The following WWOX variants were observed in gnomAD, a reference collection of about 807,000 sequenced individuals.
WWOX encodes the protein WW domain containing oxidoreductase.
In WWOX, 69 loss-of-function variants were observed where a neutral mutation model predicts 46.2. That is an observed-to-expected ratio of 1.49 (90% CI 1.23 to 1.82). The LOEUF is 1.82. Ranked by LOEUF, WWOX falls within the 40% of genes most tolerant of loss-of-function variation. The pLI, the probability that WWOX is intolerant of heterozygous loss-of-function variation, is 0.00. For synonymous variants in WWOX, 359 were observed against 202.6 expected (o/e 1.77, Z -6.56); for missense variants, 919 against 542.6 (o/e 1.69, Z -6.89).
At chr16:78,784,117 C>T (rs574465125) in intron 8 of WWOX, among the ~76,000 whole-genome samples, 2 of 152,242 alleles carry the variant, frequency 1.3e-5, no homozygotes, top group South Asian at 2.1e-4. Flanking sequence ...TTTTTAAATG[C>T]ATTTACACCA....
At chr16:78,559,030 C>T (rs1266393936) in intron 8 of WWOX, among the ~76,000 whole-genome samples, 1 of 152,206 alleles carries the variant, frequency 6.6e-6, no homozygotes, top group African/African-American at 2.4e-5. Context: ...ACGGCATCCA[C>T]ACAAGATCTG....
Position 78,488,122 on chromosome 16 carries a change from A to G in WWOX, c.1056+55370A>G, listed in dbSNP as rs141275000. Among the ~76,000 whole-genome samples the G allele has an allele frequency of 6.7e-3, 1,015 of 152,266 alleles. 6 individuals carry two copies. The highest frequency in any genetic ancestry group is 9.5e-3 in the Non-Finnish European group (645 of 68,008). ...GAGGGATCTCACAGGAAACTTGGTA[A>G]TGTAGATTTTGGAGGACTTGAAAGG... On this transcript the variant is annotated intron_variant, in intron 8 of 8. Transcript: ENST00000566780.
At chr16:78,956,407 G>A (rs932917277) in intron 8 of WWOX, among the ~76,000 whole-genome samples, 1 of 151,772 alleles carries the variant, frequency 6.6e-6, no homozygotes, top group Non-Finnish European at 1.5e-5. Flanking sequence ...CGCCCATCTC[G>A]GCCTCCCCAA....
intron 8 of WWOX, among the ~76,000 whole-genome samples, chr16:78,689,968 C>G (rs928378325): frequency 6.6e-6 from 1 of 152,060 alleles, no homozygotes. Context: ...TCAAATGATT[C>G]TCCTACCTCA....
At chr16:79,208,928 A>C (rs1443640889) in intron 8 of WWOX, among the ~76,000 whole-genome samples, 1 of 152,220 alleles carries the variant, frequency 6.6e-6, no homozygotes. Context: ...AGGAAAGTAG[A>C]GTGAGTACCC....
intron 8 of WWOX, among the ~76,000 whole-genome samples, chr16:78,789,131 T>G (rs966600978): frequency 6.6e-6 from 1 of 152,202 alleles, no homozygotes; most frequent in East Asian, 1.9e-4. Context: ...TTTACCTCTG[T>G]GGTGTCACCC....
chr16:78,722,429 A>T (rs1028895794), intron 8 of WWOX, among the ~76,000 whole-genome samples: 1 of 152,312 alleles, frequency 6.6e-6, no homozygotes, highest in Admixed American at 6.5e-5. Flanking sequence ...ACCGTATGAA[A>T]TGAGCAGCAG....
intron 8 of WWOX, among the ~76,000 whole-genome samples, chr16:78,472,702 G>A (rs2084253530): frequency 6.6e-6 from 1 of 151,588 alleles, no homozygotes; most frequent in Non-Finnish European, 1.5e-5. Context: ...CCAGCTACTT[G>A]GGAGGCTGAG....
At chr16:78,758,572 C>T (rs2049715222) in intron 8 of WWOX, among the ~76,000 whole-genome samples, 1 of 152,198 alleles carries the variant, frequency 6.6e-6, no homozygotes, top group Admixed American at 6.5e-5. Context: ...CCAAGTGCTA[C>T]CTCTGCATGG....
At chr16:78,920,471 C>T (rs2045353426) in intron 8 of WWOX, among the ~76,000 whole-genome samples, 1 of 152,178 alleles carries the variant, frequency 6.6e-6, no homozygotes, top group African/African-American at 2.4e-5. Context: ...TTCGCTGACC[C>T]CGAATGACTG....
In WWOX at chr16:78,874,684, CTTTTTTT is replaced by C. The variant is rs552696627; in HGVS notation, c.1057-336907_1057-336901del. Among the ~76,000 whole-genome samples, 283 of 83,510 alleles carry C rather than the reference CTTTTTTT, an allele frequency of 3.4e-3. 1 individual carries two copies. The highest frequency in any genetic ancestry group is 0.011 in the African/African-American group (240 of 22,174). 54.8% of individuals were successfully genotyped at this position (83,510 alleles called of 152,430 possible). ...GTGTCTGTGACCAGAAGATTTTTTT[CTTTTTTT>C]TTTTTTTTTTTTTTTTGGCTGACTG... On this transcript the variant is annotated intron_variant, in intron 8 of 8. Transcript: ENST00000566780.
intron 8 of WWOX, among the ~76,000 whole-genome samples, chr16:79,135,395 C>T (rs1297372671): frequency 2.6e-5 from 4 of 152,098 alleles, no homozygotes; most frequent in African/African-American, 9.7e-5. Context: ...TAAAAGGCTG[C>T]CTGTTATCCC....
At chr16:78,224,654 T>G (rs191809753) in intron 5 of WWOX, among the ~76,000 whole-genome samples, 1 of 152,250 alleles carries the variant, frequency 6.6e-6, no homozygotes, top group African/African-American at 2.4e-5. Flanking sequence ...CACCAGTGAG[T>G]GATTCCTTGG....
In WWOX at chr16:78,721,658, C is replaced by T. The variant is rs147810377; in HGVS notation, c.1056+288906C>T. On this transcript the variant is annotated intron_variant, in intron 8 of 8. Coordinates refer to ENST00000566780, the MANE Select transcript of WWOX (RefSeq NM_016373.4). ...GATTCCTCCGTCACTGGCTGTGTGA[C>T]CTTAAAGAAATAAATTGACCTGCCT... is the stretch of plus-strand genomic sequence containing the variant. Among the ~76,000 whole-genome samples, 682 of 152,264 alleles carry T rather than the reference C, an allele frequency of 4.5e-3. 8 individuals are homozygous for T. The highest frequency in any genetic ancestry group is 0.015 in the African/African-American group (634 of 41,560).
intron 8 of WWOX, among the ~76,000 whole-genome samples, chr16:78,483,338 A>G (rs1294733049): frequency 6.6e-6 from 1 of 151,560 alleles, no homozygotes; most frequent in Non-Finnish European, 1.5e-5. Flanking sequence ...TTTCATGAAA[A>G]GTCTCCCGTC....
chr16:78,165,573 G>A (rs955181368), intron 5 of WWOX, among the ~76,000 whole-genome samples: 1 of 152,106 alleles, frequency 6.6e-6, no homozygotes, highest in Non-Finnish European at 1.5e-5. Flanking sequence ...CAGAGGCCCT[G>A]GGAGGAGGGG....
chr16:78,650,107 G>A (rs1390407169), intron 8 of WWOX, among the ~76,000 whole-genome samples: 1 of 152,176 alleles, frequency 6.6e-6, no homozygotes, highest in African/African-American at 2.4e-5. Flanking sequence ...GTCAGAGGAA[G>A]GAGGGAAGAA....
chr16:78,697,991 T>C (rs117966060), intron 8 of WWOX, among the ~76,000 whole-genome samples: 1,952 of 152,318 alleles, frequency 0.013, 18 homozygotes, highest in South Asian at 0.035. Flanking sequence ...ACTGAGTTGC[T>C]ATACTGTTTT....
At chr16:79,194,687 C>T (rs1183809129) in intron 8 of WWOX, among the ~76,000 whole-genome samples, 1 of 152,200 alleles carries the variant, frequency 6.6e-6, no homozygotes, top group Non-Finnish European at 1.5e-5. Context: ...ACAGCCCCCG[C>T]TCTGCTGAGT....
Sources: gnomAD v4.1 joint callset for allele counts (sites outside exome capture counted in the v4.1 genomes callset) on GRCh38, gnomAD v4.1.1 for gene constraint, MANE v1.5 for transcripts, NCBI Gene and HGNC (gene_info 2026-07-23, HGNC 2026-07-21) for gene names.